ARHGAP39: variants seen among roughly 807,000 people sequenced by gnomAD.
The protein encoded by ARHGAP39 is Rho GTPase activating protein 39.
ARHGAP39 carries 44 observed loss-of-function variants against 106.9 expected under a neutral mutation model. The observed-to-expected ratio is 0.41, with a 90% CI of 0.32 to 0.53. ARHGAP39 has a LOEUF of 0.53. Among genes scored for constraint, ARHGAP39 ranks in the 20% least tolerant of loss-of-function variants. The pLI is 0.21. For missense variants in ARHGAP39, 1,496 were observed against 1,577.3 expected (o/e 0.95, Z 0.87); for synonymous variants, 768 against 693.2 (o/e 1.11, Z -1.69).
At chr8:144,587,686 G>C (rs1160572321) in intron 2 of ARHGAP39, among the ~76,000 whole-genome samples, 4 of 147,994 alleles carry the variant, frequency 2.7e-5, no homozygotes, top group Non-Finnish European at 5.9e-5. Flanking sequence ...ACGGAGTCTC[G>C]CTCCGTCATC....
At chr8:144,590,886 AG>A (rs1819367477) in intron 2 of ARHGAP39, among the ~76,000 whole-genome samples, 1 of 151,716 alleles carries the variant, frequency 6.6e-6, no homozygotes, top group South Asian at 2.1e-4. Context: ...GTCCAGCCAG[AG>A]GGTGAGGTCG....
chr8:144,544,765 T>C (rs756837752), intron 6 of ARHGAP39, among the ~76,000 whole-genome samples: 5 of 152,228 alleles, frequency 3.3e-5, no homozygotes, highest in Admixed American at 6.5e-5. Flanking sequence ...GTGACCTGCA[T>C]GTGAGCCAGT....
rs764235807 is a variant in ARHGAP39, at chr8:144,545,474, C to G, written c.2296G>C (p.Val766Leu). ...DRRAKADPLH[V>L]ALEVATKGWS... Reference sequence around the variant, plus strand: ...CCCTTGGTGGCCACCTCCAGGGCCACGTGCAGTGGGTCGGCCTTGGCCCGC... The same window carrying G: ...CCCTTGGTGGCCACCTCCAGGGCCAGGTGCAGTGGGTCGGCCTTGGCCCGC... Residue 766 changes from valine to leucine, a missense_variant, in exon 6 of 12, where the codon GTG (valine) becomes CTG (leucine). Transcript: ENST00000377307. The G allele has an allele frequency of 1.3e-6, 2 of 1,599,180 alleles. No individual in the cohort carries two copies. The highest frequency in any genetic ancestry group is 1.1e-5 in the South Asian group (1 of 90,606).
intron 1 of ARHGAP39, among the ~76,000 whole-genome samples, chr8:144,615,384 G>A (rs1339161442): frequency 6.6e-6 from 1 of 151,210 alleles, no homozygotes; most frequent in Non-Finnish European, 1.5e-5. Context: ...TGGGCCTTCT[G>A]CCTCATCTTG....
rs1370474833 is a variant in ARHGAP39 at position 144,547,055 on chromosome 8, T to C, written c.1959+72A>G. ...CCCTGGACGCCAGGTCTCCTGTGCCTGGCCCACGGGGTCCACTCTGACTGG... is the reference window on the plus strand; with the variant it reads ...CCCTGGACGCCAGGTCTCCTGTGCCCGGCCCACGGGGTCCACTCTGACTGG... On this transcript the variant is annotated intron_variant, in intron 5 of 11. Transcript: ENST00000377307. This position sits in a 1 kb window ranked among gnomAD's most constrained non-coding sequence, Gnocchi z 5.2. The C allele has an allele frequency of 6.2e-6, 9 of 1,462,622 alleles. No individual in the cohort carries two copies. Among genetic ancestry groups the C allele is most frequent in the Non-Finnish European group, 8.1e-6 (9 of 1,105,330 alleles). 90.6% of individuals were successfully genotyped at this position (1,462,622 alleles called of 1,614,324 possible).
chr8:144,689,426 C>CT (rs71320837), upstream of ARHGAP39, among the ~76,000 whole-genome samples: 1,475 of 67,586 alleles, frequency 0.022, 341 homozygotes, highest in Non-Finnish European at 0.025. Context: ...TCTTAACCAT[C>CT]TTTTTTTTTT....
chr8:144,538,473 G>A (rs1817054158), intron 6 of ARHGAP39, among the ~76,000 whole-genome samples: 1 of 152,086 alleles, frequency 6.6e-6, no homozygotes, highest in Non-Finnish European at 1.5e-5. Flanking sequence ...CTCCTGGAGG[G>A]TGGATATGTA....
Position 144,678,951 on chromosome 8 carries a change from G to T in ARHGAP39, c.-82+6735C>A, listed in dbSNP as rs375400623. On this transcript the variant is annotated intron_variant, in intron 1 of 11. Transcript: ENST00000377307. ...CATGGTGCAGGTCCCACTCAGGCAG[G>T]GGTTCTGATCACTGTTCAGGGGGAA... Among the ~76,000 whole-genome samples the T allele has an allele frequency of 3.0e-4, 45 of 152,220 alleles. No homozygotes were observed. The South Asian group carries it at 8.9e-3, about 30-fold the overall frequency.
At chr8:144,628,897 C>G (rs1820992047) in intron 1 of ARHGAP39, among the ~76,000 whole-genome samples, 1 of 152,218 alleles carries the variant, frequency 6.6e-6, no homozygotes, top group South Asian at 2.1e-4. Context: ...TGTCTCCCAC[C>G]ACCGAAATCC....
At chr8:144,595,769 G>A (rs2130921903) in intron 2 of ARHGAP39, among the ~76,000 whole-genome samples, 1 of 152,222 alleles carries the variant, frequency 6.6e-6, no homozygotes, top group East Asian at 1.9e-4. Flanking sequence ...CCTCTTGGTG[G>A]GTCCAGTGGG....
intron 4 of ARHGAP39, among the ~76,000 whole-genome samples, chr8:144,555,316 C>T (rs1453473426): frequency 1.3e-5 from 2 of 152,234 alleles, no homozygotes; most frequent in Non-Finnish European, 2.9e-5. Flanking sequence ...AGGGAAGCAC[C>T]GCAGGCTCCA....
At chr8:144,663,311 G>A (rs188756017) in intron 1 of ARHGAP39, among the ~76,000 whole-genome samples, 52 of 152,266 alleles carry the variant, frequency 3.4e-4, no homozygotes, top group African/African-American at 1.1e-3. Context: ...CAGCACCAGC[G>A]TCTGCTTCTG....
At chr8:144,607,277 GCA>G (rs1364331009) in intron 1 of ARHGAP39, among the ~76,000 whole-genome samples, 4 of 149,346 alleles carry the variant, frequency 2.7e-5, no homozygotes, top group South Asian at 2.1e-4. Flanking sequence ...ACAACTGAAT[GCA>G]CAGAGTACAG....
intron 3 of ARHGAP39, among the ~76,000 whole-genome samples, chr8:144,559,503 C>A (rs1259680641): frequency 6.6e-6 from 1 of 151,208 alleles, no homozygotes; most frequent in Admixed American, 6.6e-5. Flanking sequence ...AATTTTTGTA[C>A]ACAGCAAGTA....
intron 1 of ARHGAP39, among the ~76,000 whole-genome samples, chr8:144,653,554 A>G (rs1400251163): frequency 6.6e-6 from 1 of 151,946 alleles, no homozygotes; most frequent in East Asian, 1.9e-4. Flanking sequence ...CCCCACAAAC[A>G]CTGGCCATCA....
At chr8:144,551,062 A>C (rs183918093) in intron 4 of ARHGAP39, among the ~76,000 whole-genome samples, 1 of 152,224 alleles carries the variant, frequency 6.6e-6, no homozygotes, top group Non-Finnish European at 1.5e-5. Flanking sequence ...TTAGTTTTGC[A>C]TATCTGTGAC....
At chr8:144,533,513 C>T (rs944295742) in intron 8 of ARHGAP39, among the ~76,000 whole-genome samples, 188 bp from the exon 9 acceptor site, 11 of 152,218 alleles carry the variant, frequency 7.2e-5, no homozygotes, top group African/African-American at 2.7e-4. Flanking sequence ...CCTCGCCCCC[C>T]AAACCCTAAC....
chr8:144,650,164 A>T (rs1356009704), intron 1 of ARHGAP39, among the ~76,000 whole-genome samples: 1 of 152,068 alleles, frequency 6.6e-6, no homozygotes, highest in African/African-American at 2.4e-5. Context: ...GAAAAAAAAA[A>T]TTCCTGGACA....
chr8:144,539,017 C>T (rs1334772482), intron 6 of ARHGAP39, among the ~76,000 whole-genome samples: 1 of 152,134 alleles, frequency 6.6e-6, no homozygotes, highest in African/African-American at 2.4e-5. Context: ...CCGGCACTTC[C>T]TCACTTTTGA....
Sources: allele counts gnomAD v4.1 joint callset (sites outside exome capture counted in the v4.1 genomes callset), GRCh38; gene constraint gnomAD v4.1.1; non-coding constraint Gnocchi (gnomAD v3.1); transcripts MANE v1.5; gene names NCBI Gene and HGNC (gene_info 2026-07-23, HGNC 2026-07-21).